The following UTY variants were observed in gnomAD, a reference collection of about 807,000 sequenced individuals.
The protein encoded by UTY is ubiquitously transcribed tetratricopeptide repeat containing, Y-linked, also known as histone demethylase UTY.
Under a neutral mutation model 32.5 loss-of-function variants are expected in UTY, and 12 were observed. The ratio of observed to expected loss-of-function variants is 0.37; its 90% CI spans 0.24 to 0.60. The LOEUF is 0.60. Ranked by LOEUF, UTY falls within the 20% of genes least tolerant of loss-of-function variation. The pLI is 0.69. For synonymous variants in UTY, 131 were observed against 103.4 expected, an observed-to-expected ratio of 1.27 and a Z score of -1.62; for missense variants, 303 against 299.2, an observed-to-expected ratio of 1.01 and a Z score of -0.09.
chrY:13,297,904 G>A, intron 26 of UTY, 56 bp from the exon 27 acceptor site: 11 of 285,916 alleles, frequency 3.8e-5, no homozygotes, highest in African/African-American at 7.4e-5. Flanking sequence ...AACACATGAA[G>A]ATAACCATCA....
chrY:13,341,338 C>T (rs2061469571), intron 17 of UTY, among the ~76,000 whole-genome samples: 2 of 32,535 alleles, frequency 6.1e-5, no homozygotes, highest in African/African-American at 1.2e-4. Context: ...GACTTGATGG[C>T]GGTGGTCTTA....
chrY:13,283,270 G>C, intron 27 of UTY, among the ~76,000 whole-genome samples: 1 of 33,776 alleles, frequency 3.0e-5, no homozygotes, highest in Non-Finnish European at 7.3e-5. Context: ...ATGATACTTT[G>C]GTTTTGGTTC....
chrY:13,322,338 T>C (rs2059894494), intron 21 of UTY, among the ~76,000 whole-genome samples: 1 of 33,576 alleles, frequency 3.0e-5, no homozygotes, highest in Non-Finnish European at 7.4e-5. Context: ...CAGGCTGGAG[T>C]GCAGTGGCAC....
upstream of UTY, chrY:13,480,096 G>A: frequency 1.8e-5 from 1 of 54,265 alleles, no homozygotes; most frequent in African/African-American, 1.1e-4. Context: ...CTCCTAGGCT[G>A]CTGGGACCCC....
intron 27 of UTY, among the ~76,000 whole-genome samples, chrY:13,286,380 T>C (rs2057364138): frequency 3.0e-5 from 1 of 33,559 alleles, no homozygotes; most frequent in Non-Finnish European, 7.4e-5. Context: ...TGCTATTCTA[T>C]CCAAGGTATG....
intron 2 of UTY, among the ~76,000 whole-genome samples, chrY:13,474,769 C>G: frequency 3.0e-5 from 1 of 33,515 alleles, no homozygotes; most frequent in Non-Finnish European, 7.4e-5. Flanking sequence ...TAGCTAATTT[C>G]TTAGTTTTTT....
intron 3 of UTY, among the ~76,000 whole-genome samples, chrY:13,459,946 A>T (rs2077213309): frequency 6.0e-4 from 20 of 33,449 alleles, no homozygotes; most frequent in African/African-American, 2.3e-3. Context: ...TTTTAGTCTT[A>T]AACAGCCTTC....
At chrY:13,244,794 CATA>C (rs2053932343), downstream of UTY, among the ~76,000 whole-genome samples, 1 of 33,446 alleles carries the variant, frequency 3.0e-5, no homozygotes, top group Non-Finnish European at 7.4e-5. Context: ...ATATCAAAAT[CATA>C]ATAAGGTTTT....
At chrY:13,409,350 G>C (rs866133412) in intron 6 of UTY, among the ~76,000 whole-genome samples, 1 of 33,420 alleles carries the variant, frequency 3.0e-5, no homozygotes, top group Non-Finnish European at 7.5e-5. Context: ...ACTTTTTTCT[G>C]AGTAGTGTGA....
chrY:13,444,091 C>T, intron 4 of UTY, among the ~76,000 whole-genome samples: 1 of 32,297 alleles, frequency 3.1e-5, no homozygotes, highest in Non-Finnish European at 7.6e-5. Context: ...GCTTGGCCAA[C>T]AAAGAATCAA....
intron 27 of UTY, among the ~76,000 whole-genome samples, chrY:13,292,248 C>T (rs2148681759): frequency 3.2e-5 from 1 of 31,421 alleles, no homozygotes; most frequent in Non-Finnish European, 7.7e-5. Context: ...GTCAGGAGTT[C>T]GAGACCACCC....
intron 4 of UTY, among the ~76,000 whole-genome samples, chrY:13,439,578 C>T: frequency 3.0e-5 from 1 of 33,225 alleles, no homozygotes; most frequent in Admixed American, 2.7e-4. Context: ...GACAATAAAG[C>T]AACTGTTTAA....
intron 8 of UTY, among the ~76,000 whole-genome samples, chrY:13,383,555 C>T: frequency 4.1e-5 from 1 of 24,166 alleles, no homozygotes; most frequent in Non-Finnish European, 9.4e-5. Flanking sequence ...GATCATGCCA[C>T]TGGCTGACAG....
At chrY:13,446,579 T>C in intron 4 of UTY, among the ~76,000 whole-genome samples, 2 of 20,357 alleles carry the variant, frequency 9.8e-5, no homozygotes, top group Non-Finnish European at 2.2e-4. Flanking sequence ...GATAGATAGA[T>C]AGATAGATAG....
chrY:13,437,805 G>A, intron 4 of UTY, among the ~76,000 whole-genome samples: 1 of 32,830 alleles, frequency 3.0e-5, no homozygotes, highest in Admixed American at 2.7e-4. Context: ...CTGATAACCA[G>A]AAAATGGTAA....
chrY:13,313,595 A>G (rs2059322801), intron 21 of UTY, among the ~76,000 whole-genome samples: 1 of 33,806 alleles, frequency 3.0e-5, no homozygotes, highest in Admixed American at 2.7e-4. Context: ...GTTTAGATGA[A>G]TGCACACTAC....
intron 3 of UTY, among the ~76,000 whole-genome samples, chrY:13,460,528 C>A (rs935359427): frequency 9.9e-4 from 33 of 33,242 alleles, no homozygotes; most frequent in Admixed American, 2.8e-4. Context: ...TGGCAAAACC[C>A]CATCTCCACA....
At chrY:13,253,599 C>T in intron 28 of UTY, among the ~76,000 whole-genome samples, 1 of 33,612 alleles carries the variant, frequency 3.0e-5, no homozygotes, top group East Asian at 7.7e-4. Context: ...TTTTAAATTA[C>T]TCAAAGAATT....
chrY:13,313,341 A>T (rs774795038), intron 21 of UTY, among the ~76,000 whole-genome samples: 1 of 33,799 alleles, frequency 3.0e-5, no homozygotes, highest in East Asian at 7.7e-4. Context: ...AATTCTTAAC[A>T]GAATCTGTTT....
Sources: allele counts gnomAD v4.1 joint callset (sites outside exome capture counted in the v4.1 genomes callset), GRCh38; gene constraint gnomAD v4.1.1; transcripts MANE v1.5; gene names NCBI Gene and HGNC (gene_info 2026-07-23, HGNC 2026-07-21).